The following ZZEF1 variants were observed in gnomAD, a reference collection of about 807,000 sequenced individuals.
ZZEF1 encodes zinc finger ZZ-type and EF-hand domain containing 1, also known as zinc finger ZZ-type and EF-hand domain-containing protein 1.
Under a neutral mutation model 342.8 loss-of-function variants are expected in ZZEF1, and 157 were observed. The observed-to-expected ratio is 0.46, with a 90% CI of 0.40 to 0.52. The LOEUF is 0.52. Among genes scored for constraint, ZZEF1 ranks in the 20% least tolerant of loss-of-function variants. The probability of loss-of-function intolerance (pLI) is 0.00; values close to 1 mark genes in which losing one functional copy is unlikely to be tolerated. For synonymous variants in ZZEF1, 1,505 were observed against 1,429.1 expected (o/e 1.05, Z -1.20); for missense variants, 3,480 against 3,725.6 (o/e 0.93, Z 1.72).
At chr17:4,074,111 G>T in intron 24 of ZZEF1, 39 bp downstream of exon 24, 1 of 1,606,532 alleles carries the variant, frequency 6.2e-7, no homozygotes, top group Non-Finnish European at 8.5e-7. Context: ...GCACTTCACC[G>T]TGGTTGTAAG....
In ZZEF1 at chr17:4,062,810, T is replaced by A. The variant is rs778464867; in HGVS notation, c.4826A>T (p.His1609Leu). 1 of 1,613,162 alleles carries A rather than the reference T, an allele frequency of 6.2e-7. No individual in the cohort carries two copies. Among genetic ancestry groups the A allele is most frequent in the Non-Finnish European group, 8.5e-7 (1 of 1,179,570 alleles). ...CAACAGGAAAAGTATGAAAGGTGGA[T>A]GGAAGCAGTGGGGCTGCCCAAGGGA... ...AESLGQPHCF[H>L]PPFILFLLEL... Residue 1609 changes from histidine to leucine, a missense_variant, in exon 30 of 55, where the codon CAT (histidine) becomes CTT (leucine). This residue lies in a region of ZZEF1 where 1,528 missense variants were observed against 1,624.1 expected (regional missense o/e 0.94). Coordinates refer to ENST00000381638, the MANE Select transcript of ZZEF1 (RefSeq NM_015113.4).
chr17:4,080,069 G>A (rs1334250320), intron 18 of ZZEF1, among the ~76,000 whole-genome samples: 1 of 152,068 alleles, frequency 6.6e-6, no homozygotes, highest in Non-Finnish European at 1.5e-5. Context: ...AATCTCTCGG[G>A]GTGCTTAGAA....
At chr17:4,024,017 C>T (rs543087945) in intron 43 of ZZEF1, among the ~76,000 whole-genome samples, 23 of 152,202 alleles carry the variant, frequency 1.5e-4, no homozygotes, top group Non-Finnish European at 1.9e-4. Flanking sequence ...TTCCACCGAA[C>T]AGCCTTCAAC....
intron 1 of ZZEF1, among the ~76,000 whole-genome samples, chr17:4,134,661 G>A (rs2058719987): frequency 6.6e-6 from 1 of 152,046 alleles, no homozygotes; most frequent in African/African-American, 2.4e-5. Flanking sequence ...TTTTGCTGGT[G>A]ACGAACAGAG....
At chr17:4,088,051 GA>G (rs1567830350) in intron 13 of ZZEF1, among the ~76,000 whole-genome samples, 1 of 152,124 alleles carries the variant, frequency 6.6e-6, no homozygotes, top group Non-Finnish European at 1.5e-5. Context: ...AACCTTATAT[GA>G]ACTGAGTCAC....
chr17:4,133,800 C>A (rs1167252274), intron 1 of ZZEF1, among the ~76,000 whole-genome samples: 14 of 151,934 alleles, frequency 9.2e-5, no homozygotes, highest in Admixed American at 9.2e-4. Context: ...CAGCTCACTG[C>A]AGCCTTGACC....
At chr17:4,109,358 ACCT>A (rs1330380064) in intron 6 of ZZEF1, among the ~76,000 whole-genome samples, 1 of 152,136 alleles carries the variant, frequency 6.6e-6, no homozygotes, top group Non-Finnish European at 1.5e-5. Context: ...AGCATAAGTG[ACCT>A]CCTCACAAGA....
At position 4,066,467 on chromosome 17, in the gene ZZEF1, T is replaced by C. The variant is rs749646246; in HGVS notation, c.4229A>G (p.Glu1410Gly). Residue 1410 changes from glutamate (E) to glycine (G), a missense_variant, in exon 28 of 55, where the codon GAG becomes GGG. By Grantham distance (98) the Glu-to-Gly change is moderately conservative. This residue lies in a region of ZZEF1 where 1,528 missense variants were observed against 1,624.1 expected (regional missense o/e 0.94). Coordinates refer to ENST00000381638, the MANE Select transcript of ZZEF1 (RefSeq NM_015113.4). ...CTCACCCAGGCTCTCAGGGTTCACC[T>C]CAGTAGCTTCTGAACTATGTTTTTC... is the stretch of plus-strand genomic sequence containing the variant. Reference protein sequence around the residue: ...AEEKHSSEATEVNPESLAKEC... With the variant: ...AEEKHSSEATGVNPESLAKEC... The C allele has an allele frequency of 6.2e-7, 1 of 1,614,110 alleles. No individual in the cohort carries two copies.
chr17:4,118,949 T>C (rs2058441105), intron 2 of ZZEF1, among the ~76,000 whole-genome samples: 1 of 152,222 alleles, frequency 6.6e-6, no homozygotes, highest in African/African-American at 2.4e-5. Context: ...ACCAGTGTGA[T>C]ATCTTGTGGA....
Position 4,109,853 on chromosome 17 carries a change from A to T in ZZEF1, c.1077T>A (p.Ile359=). ...CATCGCTAAGACAACGCTTTATGTT[A>T]ATCTGGACATCTGTCGAGCACAAAC... ...NANVSQLYVQ[I]NIKRCLSDGC... is the part of the protein sequence containing the mutation. Residue 359 remains isoleucine, a synonymous_variant, in exon 6 of 55, where the codon ATT becomes ATA. Transcript: ENST00000381638. The T allele has an allele frequency of 6.2e-7, 1 of 1,614,194 alleles. No homozygotes were observed. Among genetic ancestry groups the T allele is most frequent in the South Asian group, 1.1e-5 (1 of 91,088 alleles).
At chr17:4,124,953 T>C (rs2058550455) in intron 1 of ZZEF1, among the ~76,000 whole-genome samples, 2 of 152,354 alleles carry the variant, frequency 1.3e-5, no homozygotes, top group African/African-American at 4.8e-5. Context: ...TAAGTTTCTT[T>C]ACCTCCATAA....
Position 4,095,970 on chromosome 17 carries a change from C to A in ZZEF1, c.1774G>T (p.Gly592Cys). Residue 592 changes from glycine (G) to cysteine (C), a missense_variant, in exon 11 of 55, where the codon GGT becomes TGT. By Grantham distance (159) the Gly-to-Cys change is radical (BLOSUM62 -3). Transcript: ENST00000381638. The stretch of plus-strand genomic sequence containing the variant: ...AACCCACACTGGGCACCAATGCCAC[C>A]ACGTCGAACCTGGAAACAGAGATTA... ...VTQIRIMVRR[G>C]GIGAQCGLVF... 6.2e-7 allele frequency: 1 copy of A among 1,608,178 alleles called. No individual in the cohort carries two copies. Among genetic ancestry groups the A allele is most frequent in the Non-Finnish European group, 8.5e-7 (1 of 1,176,804 alleles).
intron 2 of ZZEF1, among the ~76,000 whole-genome samples, chr17:4,118,031 G>A (rs1490256002): frequency 6.6e-6 from 1 of 152,190 alleles, no homozygotes; most frequent in African/African-American, 2.4e-5. Context: ...TGAGGAAAAT[G>A]AGGCTCAGGT....
chr17:4,031,350 A>AAATAAATAAATAAATAAATT (rs1450134581), intron 42 of ZZEF1, among the ~76,000 whole-genome samples: 20 of 151,884 alleles, frequency 1.3e-4, no homozygotes, highest in Admixed American at 7.9e-4. Context: ...ATAAATAAAT[A>AAATAAATAAATAAATAAATT]AATTTACAAT....
At chr17:4,141,222 T>C (rs2058840968) in intron 1 of ZZEF1, among the ~76,000 whole-genome samples, 1 of 152,226 alleles carries the variant, frequency 6.6e-6, no homozygotes, top group African/African-American at 2.4e-5. Context: ...ACTATTATTT[T>C]TAAGGGTTGG....
chr17:4,134,402 C>T (rs1398504637), intron 1 of ZZEF1, among the ~76,000 whole-genome samples: 1 of 148,562 alleles, frequency 6.7e-6, no homozygotes, highest in Non-Finnish European at 1.5e-5. Context: ...ATACCTGATC[C>T]TGTGTTTGGC....
chr17:4,034,994 G>A (rs1053916609), intron 39 of ZZEF1, among the ~76,000 whole-genome samples: 1 of 152,042 alleles, frequency 6.6e-6, no homozygotes, highest in Admixed American at 6.5e-5. Flanking sequence ...GTGAGACTCC[G>A]TCTCAAAAAA....
At position 4,042,505 on chromosome 17, in the gene ZZEF1, G is replaced by C; in HGVS notation, c.6230C>G (p.Pro2077Arg). ...GGAACACTCAGCAAACACTTGCTCAGGGCTTGGAGTAACTGCTTTTTCCTC... is the reference window on the plus strand; with the variant it reads ...GGAACACTCAGCAAACACTTGCTCACGGCTTGGAGTAACTGCTTTTTCCTC... ...PIEEKAVTPS[P>R]EQVFAECSQK... Residue 2077 changes from proline (P) to arginine (R), a missense_variant, in exon 39 of 55, where the codon CCT becomes CGT. Pro to Arg is a moderately radical substitution (Grantham distance 103). Transcript: ENST00000381638. 1 of 1,614,080 alleles carries C rather than the reference G, an allele frequency of 6.2e-7. No individual in the cohort carries two copies. The highest frequency in any genetic ancestry group is 8.5e-7 in the Non-Finnish European group (1 of 1,180,006).
At chr17:4,075,966 T>C (rs1025402287) in intron 21 of ZZEF1, 1 of 150,916 alleles carries the variant, frequency 6.6e-6, no homozygotes, top group Non-Finnish European at 1.5e-5. Flanking sequence ...GTTATGTATG[T>C]ATAATTAAGT....
Sources: gnomAD v4.1 joint callset for allele counts (sites outside exome capture counted in the v4.1 genomes callset) on GRCh38, gnomAD v4.1.1 for gene constraint, gnomAD v4.1.1 regional missense constraint, MANE v1.5 for transcripts, NCBI Gene and HGNC (gene_info 2026-07-23, HGNC 2026-07-21) for gene names.